The following TRIM29 variants were observed in gnomAD, a reference collection of about 807,000 sequenced individuals.
TRIM29 encodes tripartite motif containing 29, also known as tripartite motif-containing protein 29.
In TRIM29, 52 loss-of-function variants were observed where a neutral mutation model predicts 57.3. The observed-to-expected ratio is 0.91, with a 90% CI of 0.73 to 1.14. The LOEUF (loss-of-function observed/expected upper bound fraction) is 1.14. Among genes scored for constraint, TRIM29 ranks in the 50% most tolerant of loss-of-function variants. TRIM29 has a pLI of 0.00. For missense variants in TRIM29, 753 were observed against 774.6 expected, an observed-to-expected ratio of 0.97 and a Z score of 0.33; for synonymous variants, 319 against 316.9, an observed-to-expected ratio of 1.01 and a Z score of -0.07.
chr11:120,126,578 A>C (rs1863595983), intron 3 of TRIM29, among the ~76,000 whole-genome samples: 1 of 152,124 alleles, frequency 6.6e-6, no homozygotes, highest in Non-Finnish European at 1.5e-5. Context: ...CGCCATGCTC[A>C]GTGCTGCCTT....
chr11:120,122,131 A>AGTGTGTGTGTGTGTGTGT (rs72245071), intron 5 of TRIM29: 66 of 204,014 alleles, frequency 3.2e-4, no homozygotes, highest in Non-Finnish European at 4.4e-4. Flanking sequence ...TGTGTGTGTG[A>AGTGTGTGTGTGTGTGTGT]GTGTGTGTGT....
chr11:120,118,222 C>G lies in TRIM29; in HGVS notation c.1627+1G>C, dbSNP rs753435541. The G allele has an allele frequency of 1.9e-6, 3 of 1,613,822 alleles. No individual in the cohort carries two copies. The South Asian group carries it at 3.3e-5, about 18-fold the overall frequency. On this transcript the variant is annotated splice_donor_variant, in intron 7 of 8. Transcript: ENST00000341846. LOFTEE classifies it high-confidence loss of function. ...GCAGGGGCCAGGGTGGGCAAGCTCACCTTTCAGGGAGAAGGAGGAGCTGCC... is the reference window on the plus strand; with the variant it reads ...GCAGGGGCCAGGGTGGGCAAGCTCAGCTTTCAGGGAGAAGGAGGAGCTGCC...
chr11:120,115,580 C>G (rs933991036), intron 7 of TRIM29, 166 bp from the exon 8 acceptor site: 1 of 623,494 alleles, frequency 1.6e-6, no homozygotes, highest in Non-Finnish European at 2.8e-6. Context: ...GTGCCGCAAC[C>G]GAAAATCCTG....
chr11:120,127,019 G>A (rs749796450), intron 3 of TRIM29, among the ~76,000 whole-genome samples: 8 of 152,248 alleles, frequency 5.3e-5, no homozygotes, highest in East Asian at 1.9e-4. Flanking sequence ...CCCTCTACCC[G>A]ATTCACTGAT....
rs760683453 is a variant in TRIM29 at position 120,137,974 on chromosome 11, G to A, written c.58C>T (p.Arg20Trp). Residue 20 changes from arginine to tryptophan, a missense_variant, in exon 1 of 9, where the codon CGG (arginine) becomes TGG (tryptophan). Arg to Trp is a moderately radical substitution (Grantham distance 101). Transcript: ENST00000341846. This position sits in a 1 kb window ranked among gnomAD's most constrained non-coding sequence, Gnocchi z 6.2. ...CTGCCACTGGGGCCCGACGGGCTCC[G>A]GGCATCCCTGGCTTCTGGGCTCGAC... ...NGSSPEARDA[R>W]SPSGPSGSLE... 31 of 1,604,854 alleles carry A rather than the reference G, an allele frequency of 1.9e-5. No homozygotes were observed. Among genetic ancestry groups the A allele is most frequent in the African/African-American group, 5.3e-5 (4 of 74,926 alleles).
intron 6 of TRIM29, 92 bp downstream of exon 6, chr11:120,120,481 C>T: frequency 1.7e-6 from 2 of 1,189,608 alleles, no homozygotes; most frequent in South Asian, 2.9e-5. Flanking sequence ...ACTGGGGTCC[C>T]AGCCCTGTGC....
intron 8 of TRIM29, among the ~76,000 whole-genome samples, 173 bp from the exon 9 acceptor site, chr11:120,112,649 C>G (rs1863163554): frequency 6.6e-6 from 1 of 152,074 alleles, no homozygotes; most frequent in Non-Finnish European, 1.5e-5. Context: ...AGGGGCTGGT[C>G]CCTAATGTCA....
chr11:120,130,459 T>C (rs1863695970), intron 1 of TRIM29, among the ~76,000 whole-genome samples: 1 of 152,216 alleles, frequency 6.6e-6, no homozygotes, highest in Non-Finnish European at 1.5e-5. Flanking sequence ...GTAAAAGTCC[T>C]GTCTCAAATA....
rs762672094 is a variant in TRIM29 at position 120,120,650 on chromosome 11, G to T, written c.1451C>A (p.Ser484Ter). The change falls in exon 6 of 9, where the codon TCA becomes TAA. Residue 484 changes from serine to a stop codon, truncating the protein, a stop_gained. Coordinates refer to ENST00000341846, the MANE Select transcript of TRIM29 (RefSeq NM_012101.4). LOFTEE classifies it high-confidence loss of function. Reference protein sequence around the residue: ...YLTPKGGVRTSYQPSSPGRFT... With the variant: ...YLTPKGGVRT ...GCGGCCAGGAGACGAGGGCTGGTATGATGTCCGGACCCCACCTGTGAAGCA... is the reference window on the plus strand; with the variant it reads ...GCGGCCAGGAGACGAGGGCTGGTATTATGTCCGGACCCCACCTGTGAAGCA... 5 of 1,613,772 alleles carry T rather than the reference G, an allele frequency of 3.1e-6. No homozygotes were observed. The Admixed American group carries it at 8.3e-5, about 27-fold the overall frequency.
At position 120,137,570 on chromosome 11, in the gene TRIM29, G is replaced by A. The variant is rs59059947; in HGVS notation, c.462C>T (p.Pro154=). The A allele has an allele frequency of 1.9e-6, 3 of 1,612,356 alleles. No homozygotes were observed. Among genetic ancestry groups the A allele is most frequent in the Non-Finnish European group, 2.5e-6 (3 of 1,180,014 alleles). Residue 154 remains proline, a synonymous_variant, in exon 1 of 9, where the codon CCC becomes CCT. Transcript: ENST00000341846. This position sits in a 1 kb window ranked among gnomAD's most constrained non-coding sequence, Gnocchi z 6.2. Reference sequence around the variant, plus strand: ...GTGAAAAAAGGCCCGTGTCGGCCCGGGGGTAGCTGTTCCGCCGGGTCTCCC... The same window carrying A: ...GTGAAAAAAGGCCCGTGTCGGCCCGAGGGTAGCTGTTCCGCCGGGTCTCCC... ...EPGETRRNSY[P]RADTGLFSRS...
chr11:120,135,689 G>C (rs192464216), intron 1 of TRIM29, among the ~76,000 whole-genome samples: 1 of 152,268 alleles, frequency 6.6e-6, no homozygotes, highest in Admixed American at 6.5e-5. Flanking sequence ...CTTCTGGAAG[G>C]AATCTGTGAG....
chr11:120,127,296 T>G, intron 3 of TRIM29, 40 bp downstream of exon 3: 5 of 1,589,916 alleles, frequency 3.1e-6, no homozygotes, highest in Non-Finnish European at 4.3e-6. Context: ...AAGTGGATTG[T>G]GAAATCGAGG....
intron 7 of TRIM29, chr11:120,117,522 G>T (rs887877333): frequency 6.5e-6 from 1 of 154,106 alleles, no homozygotes; most frequent in Non-Finnish European, 1.4e-5. Flanking sequence ...GATGTTTGGG[G>T]TGCCAGAAGA....
chr11:120,120,951 G>A, intron 5 of TRIM29: 1 of 490,284 alleles, frequency 2.0e-6, no homozygotes, highest in South Asian at 1.8e-5. Flanking sequence ...GTGAGGGTGG[G>A]GCCTCCTGGA....
chr11:120,125,734 C>T lies in TRIM29; in HGVS notation c.1290G>A (p.Ala430=), dbSNP rs544606842. The T allele has an allele frequency of 3.2e-5, 52 of 1,614,162 alleles. No homozygotes were observed. The highest frequency in any genetic ancestry group is 1.4e-4 in the South Asian group (13 of 91,070). Residue 430 remains alanine, a synonymous_variant, in exon 4 of 9, where the codon GCG becomes GCA. Transcript: ENST00000341846. ...TCTCAATGAAGTTACGGCTCAGGTC[C>T]GCCTTGCACATCTTCTCAACGTGGC... ...CMRHVEKMCK[A]DLSRNFIERN...
At position 120,137,176 on chromosome 11, in the gene TRIM29, G is replaced by A. The variant is rs1247341905; in HGVS notation, c.804+52C>T. On this transcript the variant is annotated intron_variant, in intron 1 of 8. Transcript: ENST00000341846. The surrounding 1 kb of genome is among the most constrained non-coding windows in gnomAD (Gnocchi z 6.2). ...AGTGGAGAAGATGAAGTTCGGAGGG[G>A]TGGGGTGAGAGAGGAGAGGCCTGGA... The A allele has an allele frequency of 5.7e-6, 9 of 1,590,066 alleles. No homozygotes were observed. The South Asian group carries it at 8.9e-5, about 16-fold the overall frequency.
chr11:120,133,222 G>A (rs1330620651), intron 1 of TRIM29, among the ~76,000 whole-genome samples: 1 of 152,230 alleles, frequency 6.6e-6, no homozygotes, highest in Non-Finnish European at 1.5e-5. Context: ...TCTGGGGATT[G>A]CTGTTTGGGA....
Position 120,137,255 on chromosome 11 carries a change from T to C in TRIM29, c.777A>G (p.Thr259=). The change falls in exon 1 of 9, where the codon ACA becomes ACG. Residue 259 remains threonine, a synonymous_variant. Transcript: ENST00000341846. This position sits in a 1 kb window ranked among gnomAD's most constrained non-coding sequence, Gnocchi z 6.2. ...FQEHKNHSTV[T]VEEAKAEKET... ...CCTTCTCGGCCTTGGCCTCCTCCAC[T>C]GTCACGGTGCTATGATTCTTGTGCT... The C allele has an allele frequency of 6.2e-7, 1 of 1,614,168 alleles. No homozygotes were observed.
At chr11:120,134,060 T>C (rs1235676693) in intron 1 of TRIM29, among the ~76,000 whole-genome samples, 2 of 152,018 alleles carry the variant, frequency 1.3e-5, no homozygotes, top group Non-Finnish European at 2.9e-5. Context: ...GATGTATGTG[T>C]ACATTTCAAT....
Sources: gnomAD v4.1 joint callset for allele counts (sites outside exome capture counted in the v4.1 genomes callset) on GRCh38, gnomAD v4.1.1 for gene constraint, Gnocchi (gnomAD v3.1) non-coding constraint, MANE v1.5 for transcripts, NCBI Gene and HGNC (gene_info 2026-07-23, HGNC 2026-07-21) for gene names.